GRAMD1B: variants seen among roughly 807,000 people sequenced by gnomAD.
GRAMD1B encodes GRAM domain containing 1B, also known as protein Aster-B.
In GRAMD1B, 37 loss-of-function variants were observed where a neutral mutation model predicts 99.7. The ratio of observed to expected loss-of-function variants is 0.37; its 90% confidence interval spans 0.29 to 0.49. The LOEUF is 0.49. Ranked by LOEUF, GRAMD1B falls within the 20% of genes least tolerant of loss-of-function variation. The probability of loss-of-function intolerance (pLI) is 0.98; values close to 1 mark genes in which losing one functional copy is unlikely to be tolerated. For synonymous variants in GRAMD1B, 427 were observed against 387.6 expected (o/e 1.10, Z -1.19); for missense variants, 888 against 1,009.2 (o/e 0.88, Z 1.63).
chr11:123,511,089 C>G lies in GRAMD1B; in HGVS notation c.452+30196C>G, dbSNP rs141537235. ...TCTTTTTCACTCTCTCTCTCTCTCT[C>G]TGTCTTCTTCCTCTGCTTCTTCTCT... On this transcript the variant is annotated intron_variant, in intron 2 of 19. Coordinates refer to ENST00000635736, the MANE Select transcript of GRAMD1B (RefSeq NM_001387025.1). 3.3e-5 allele frequency among the ~76,000 whole-genome samples: 5 copies of G among 152,056 alleles called. No homozygotes were observed. In the South Asian group the frequency reaches 1.0e-3, roughly 31 times the overall value.
At chr11:123,399,139 G>A (rs555782061) in intron 1 of GRAMD1B, among the ~76,000 whole-genome samples, 6 of 152,118 alleles carry the variant, frequency 3.9e-5, no homozygotes, top group African/African-American at 9.6e-5. Context: ...CTGTTACTAC[G>A]ACTTTGACTT....
At chr11:123,362,985 G>A (rs1591350355) in intron 1 of GRAMD1B, among the ~76,000 whole-genome samples, 3 of 152,090 alleles carry the variant, frequency 2.0e-5, no homozygotes, top group Admixed American at 6.6e-5. Context: ...GAGGAAGCAA[G>A]CCAAAGAGGA....
chr11:123,487,782 T>C (rs1260998552), intron 2 of GRAMD1B, among the ~76,000 whole-genome samples: 1 of 152,138 alleles, frequency 6.6e-6, no homozygotes, highest in Non-Finnish European at 1.5e-5. Flanking sequence ...AATTTTTGTA[T>C]TTTTAGTAGA....
intron 1 of GRAMD1B, among the ~76,000 whole-genome samples, chr11:123,417,801 G>A (rs376040560): frequency 2.0e-5 from 3 of 152,200 alleles, no homozygotes; most frequent in African/African-American, 7.2e-5. Context: ...GTCTGGTGTG[G>A]TAGTGTGTGC....
intron 1 of GRAMD1B, among the ~76,000 whole-genome samples, chr11:123,448,031 T>A (rs1245735639): frequency 6.9e-6 from 1 of 145,638 alleles, no homozygotes; most frequent in African/African-American, 2.6e-5. Context: ...TATATATGTA[T>A]TTAAAAAAAA....
At chr11:123,595,357 C>T (rs1016989183) in intron 6 of GRAMD1B, among the ~76,000 whole-genome samples, 11 of 151,928 alleles carry the variant, frequency 7.2e-5, no homozygotes, top group Admixed American at 6.6e-4. Context: ...TCTTGGCTCC[C>T]TGCAACCTCC....
At chr11:123,401,777 C>T (rs774136224) in intron 1 of GRAMD1B, among the ~76,000 whole-genome samples, 12 of 152,108 alleles carry the variant, frequency 7.9e-5, no homozygotes, top group Non-Finnish European at 1.6e-4. Flanking sequence ...GGGGTGGTGG[C>T]ATGTGCCGGC....
chr11:123,397,463 C>A (rs559859453), intron 1 of GRAMD1B, among the ~76,000 whole-genome samples: 1 of 150,100 alleles, frequency 6.7e-6, no homozygotes, highest in Non-Finnish European at 1.5e-5. Context: ...AATATTTGAC[C>A]CAGGCAATCA....
intron 2 of GRAMD1B, among the ~76,000 whole-genome samples, chr11:123,506,586 A>G (rs1362589338): frequency 6.6e-6 from 1 of 152,192 alleles, no homozygotes. Flanking sequence ...GTTGCAGAAG[A>G]GGGAGCTTCT....
chr11:123,431,560 G>A (rs1401353194), intron 1 of GRAMD1B, among the ~76,000 whole-genome samples: 3 of 152,246 alleles, frequency 2.0e-5, no homozygotes, highest in Non-Finnish European at 4.4e-5. Context: ...CTCTGAGGTA[G>A]GTATTACTAT....
intron 1 of GRAMD1B, among the ~76,000 whole-genome samples, chr11:123,418,417 T>C (rs933521980): frequency 7.9e-5 from 12 of 152,200 alleles, no homozygotes; most frequent in Non-Finnish European, 1.3e-4. Context: ...GAACTCCGAT[T>C]CAGGGTATTT....
chr11:123,614,244 G>A (rs111601643), intron 16 of GRAMD1B, among the ~76,000 whole-genome samples: 1 of 152,344 alleles, frequency 6.6e-6, no homozygotes, highest in East Asian at 1.9e-4. Context: ...AGGGGAGAGT[G>A]GGGGAAGAGT....
chr11:123,383,205 GCTCT>G lies in GRAMD1B; in HGVS notation c.-176+24434_-176+24437del, dbSNP rs55890434. Among the ~76,000 whole-genome samples, 403 of 146,912 alleles carry G rather than the reference GCTCT, an allele frequency of 2.7e-3. 3 individuals are homozygous for G. Among genetic ancestry groups the G allele is most frequent in the Middle Eastern group, 0.011 (3 of 282 alleles). ...AGAGTGCTTCCTACTTCAGAGTCTTGCTCTCTCTCTCTCTCTCTCTCTCTCTCTC... is the reference window on the plus strand; with the variant it reads ...AGAGTGCTTCCTACTTCAGAGTCTTGCTCTCTCTCTCTCTCTCTCTCTCTC... On this transcript the variant is annotated intron_variant, in intron 1 of 20. Transcript: ENST00000638157.
Position 123,362,773 on chromosome 11 carries a change from G to A in GRAMD1B, c.-176+3974G>A, listed in dbSNP as rs76262673. 1.9e-3 allele frequency among the ~76,000 whole-genome samples: 284 copies of A among 152,288 alleles called. 3 individuals carry two copies. The highest frequency in any genetic ancestry group is 6.7e-3 in the African/African-American group (280 of 41,562). Reference sequence around the variant, plus strand: ...GACTTGGGGAAGGGGTAGGGGATAGGGGGAGAGGCAGGGATGGAAGAGAGC... The same window carrying A: ...GACTTGGGGAAGGGGTAGGGGATAGAGGGAGAGGCAGGGATGGAAGAGAGC... On this transcript the variant is annotated intron_variant, in intron 1 of 20. Coordinates refer to the GRAMD1B transcript ENST00000638157.
chr11:123,604,020 G>A (rs926614045), intron 9 of GRAMD1B, among the ~76,000 whole-genome samples: 3 of 152,146 alleles, frequency 2.0e-5, no homozygotes, highest in East Asian at 1.9e-4. Context: ...AGATTTTTTC[G>A]GTTTTACTGC....
intron 12 of GRAMD1B, among the ~76,000 whole-genome samples, chr11:123,609,526 G>A (rs548508209): frequency 1.3e-5 from 2 of 152,308 alleles, no homozygotes; most frequent in African/African-American, 4.8e-5. Flanking sequence ...ACCCCCGTAG[G>A]TGGCCCCAAG....
chr11:123,446,776 A>T (rs1048109162), intron 1 of GRAMD1B, among the ~76,000 whole-genome samples: 8 of 152,044 alleles, frequency 5.3e-5, no homozygotes, highest in African/African-American at 1.9e-4. Context: ...TTGGGATACA[A>T]AAATGGATGC....
intron 1 of GRAMD1B, chr11:123,460,366 TG>T (rs1406297949): frequency 1.3e-5 from 2 of 152,278 alleles, no homozygotes; most frequent in South Asian, 2.1e-4. Flanking sequence ...TTATCTACTT[TG>T]TGGACCATCA....
intron 1 of GRAMD1B, among the ~76,000 whole-genome samples, chr11:123,455,349 A>G (rs939990568): frequency 1.3e-5 from 2 of 152,078 alleles, no homozygotes; most frequent in Non-Finnish European, 2.9e-5. Context: ...GGAGTCTCGA[A>G]CTCCTGGGCT....
Sources: allele counts gnomAD v4.1 joint callset (sites outside exome capture counted in the v4.1 genomes callset), GRCh38; gene constraint gnomAD v4.1.1; transcripts MANE v1.5; gene names NCBI Gene and HGNC (gene_info 2026-07-23, HGNC 2026-07-21).